The following BST1 variants were observed in gnomAD, a reference collection of about 807,000 sequenced individuals.
BST1 encodes ADP-ribosyl cyclase/cyclic ADP-ribose hydrolase 2.
In BST1, 49 loss-of-function variants were observed where a neutral mutation model predicts 40.6. The observed-to-expected ratio is 1.21, with a 90% CI of 0.96 to 1.53. The LOEUF is 1.53. Among genes scored for constraint, BST1 ranks in the 40% most tolerant of loss-of-function variants. The pLI is 0.00. For synonymous variants in BST1, 157 were observed against 159.3 expected, an observed-to-expected ratio of 0.99 and a Z score of 0.11; for missense variants, 423 against 395.9, an observed-to-expected ratio of 1.07 and a Z score of -0.58.
the BST1 span, among the ~76,000 whole-genome samples, chr4:15,758,205 G>T: frequency 2.0e-5 from 3 of 151,948 alleles, no homozygotes; most frequent in Middle Eastern, 3.2e-3. Context: ...GGCAAATTGT[G>T]TGTCACTGGG....
intron 8 of BST1, among the ~76,000 whole-genome samples, chr4:15,728,504 G>A (rs928845540): frequency 6.9e-6 from 1 of 145,106 alleles, no homozygotes; most frequent in Non-Finnish European, 1.5e-5. Context: ...CAGGCATGGA[G>A]TGCAGTGGTG....
intron 3 of BST1, among the ~76,000 whole-genome samples, chr4:15,710,813 G>T (rs1253403547): frequency 1.3e-5 from 2 of 150,438 alleles, no homozygotes; most frequent in African/African-American, 2.5e-5. Flanking sequence ...TTTTTGAAAC[G>T]GAGTCTCTGT....
chr4:15,755,442 T>C, the BST1 span, among the ~76,000 whole-genome samples: 3 of 152,200 alleles, frequency 2.0e-5, no homozygotes, highest in African/African-American at 7.2e-5. Flanking sequence ...TGGCGCCAGT[T>C]TCTCTTATAA....
At chr4:15,767,390 A>C in the BST1 span, among the ~76,000 whole-genome samples, 117 of 150,456 alleles carry the variant, frequency 7.8e-4, no homozygotes, top group Middle Eastern at 3.4e-3. Context: ...TGCAAACTCC[A>C]CCTCTCGGGT....
chr4:15,716,409 T>C (rs920466639), intron 6 of BST1, among the ~76,000 whole-genome samples: 3 of 152,212 alleles, frequency 2.0e-5, no homozygotes, highest in South Asian at 4.1e-4. Flanking sequence ...TAAATAAAGC[T>C]GGACAGCCAT....
chr4:15,736,471 G>T (rs28568268), downstream of BST1, among the ~76,000 whole-genome samples: 4,271 of 152,078 alleles, frequency 0.028, 196 homozygotes, highest in African/African-American at 0.098. Flanking sequence ...TTAGCTGGGC[G>T]TGGTGGCACG....
At chr4:15,760,678 CTATA>C in the BST1 span, among the ~76,000 whole-genome samples, 2 of 150,332 alleles carry the variant, frequency 1.3e-5, no homozygotes, top group Non-Finnish European at 3.0e-5. Flanking sequence ...TAAATATATA[CTATA>C]TATTTATTTA....
At chr4:15,771,306 C>A in the BST1 span, among the ~76,000 whole-genome samples, 1 of 152,138 alleles carries the variant, frequency 6.6e-6, no homozygotes, top group Non-Finnish European at 1.5e-5. Flanking sequence ...TGGTAACTTG[C>A]CCCAAATCAT....
chr4:15,764,659 T>G, the BST1 span, among the ~76,000 whole-genome samples: 1 of 151,932 alleles, frequency 6.6e-6, no homozygotes, highest in East Asian at 1.9e-4. Flanking sequence ...TTCACCCTAT[T>G]TCTGGTGACG....
chr4:15,726,598 C>A (rs4292325), intron 8 of BST1, among the ~76,000 whole-genome samples: 19,520 of 152,168 alleles, frequency 0.13, 1,336 homozygotes, highest in African/African-American at 0.14. Flanking sequence ...TTCTAAGGAG[C>A]CTGGAACCTC....
the BST1 span, among the ~76,000 whole-genome samples, chr4:15,770,608 G>A: frequency 6.6e-6 from 1 of 152,194 alleles, no homozygotes; most frequent in African/African-American, 2.4e-5. Context: ...GCTGAGGCAG[G>A]AGAATCGCTT....
At chr4:15,761,096 G>A in the BST1 span, among the ~76,000 whole-genome samples, 1 of 151,730 alleles carries the variant, frequency 6.6e-6, no homozygotes. Flanking sequence ...CCAGGCTGGG[G>A]TGCTGTGGCA....
At chr4:15,722,583 A>C (rs73121395) in intron 7 of BST1, among the ~76,000 whole-genome samples, 17,640 of 149,330 alleles carry the variant, frequency 0.12, 2,154 homozygotes, top group African/African-American at 0.3. Context: ...GCACCCAGAT[A>C]ATTTTTAGAT....
chr4:15,772,007 G>GTCTCTCTCTCTCTCTC, the BST1 span, among the ~76,000 whole-genome samples: 135 of 148,860 alleles, frequency 9.1e-4, no homozygotes, highest in African/African-American at 3.1e-3. Flanking sequence ...AACAATGAAG[G>GTCTCTCTCTCTCTCTC]TCTCTCTCTC....
At chr4:15,750,049 G>C in the BST1 span, among the ~76,000 whole-genome samples, 1 of 150,974 alleles carries the variant, frequency 6.6e-6, no homozygotes, top group Non-Finnish European at 1.5e-5. Flanking sequence ...GAGTTCAGAT[G>C]GTTTGATTTT....
the BST1 span, among the ~76,000 whole-genome samples, chr4:15,756,320 G>A: frequency 4.6e-5 from 7 of 152,172 alleles, no homozygotes; most frequent in African/African-American, 7.2e-5. Flanking sequence ...AGAGATGGTC[G>A]TACCTGGCTA....
At chr4:15,712,665 TAGTC>T (rs1422968432) in intron 4 of BST1, among the ~76,000 whole-genome samples, 1 of 152,186 alleles carries the variant, frequency 6.6e-6, no homozygotes, top group African/African-American at 2.4e-5. Flanking sequence ...GGTTGATTGT[TAGTC>T]AGGGTGAGAA....
chr4:15,705,660 TGG>T lies in BST1; in HGVS notation c.315+21_315+22del. ...AGATAAGGTAACACCACAACCATCT[TGG>T]GTAAAACTGTGTTCTCTGTCTCTAC... On this transcript the variant is annotated intron_variant, in intron 2 of 8. Coordinates refer to ENST00000265016, the MANE Select transcript of BST1 (RefSeq NM_004334.3). 1.2e-6 allele frequency: 2 copies of T among 1,613,158 alleles called. No homozygotes were observed. The highest frequency in any genetic ancestry group is 1.7e-6 in the Non-Finnish European group (2 of 1,179,192).
chr4:15,736,173 T>C, downstream of BST1: 2 of 1,249,574 alleles, frequency 1.6e-6, no homozygotes, highest in South Asian at 2.5e-5. Flanking sequence ...TCCTGACTGA[T>C]CTCTCTGCTT....
Sources: allele counts gnomAD v4.1 joint callset (sites outside exome capture counted in the v4.1 genomes callset), GRCh38; gene constraint gnomAD v4.1.1; transcripts MANE v1.5; gene names NCBI Gene and HGNC (gene_info 2026-07-23, HGNC 2026-07-21).